The following BCAS3 variants were observed in gnomAD, a reference collection of about 807,000 sequenced individuals.
BCAS3 encodes the protein BCAS4/BCAS3 fusion.
In BCAS3, 53 loss-of-function variants were observed where a neutral mutation model predicts 116.1. That is an observed-to-expected ratio of 0.46 (90% CI 0.37 to 0.57). The LOEUF is 0.57. Ranked by LOEUF, BCAS3 falls within the 20% of genes least tolerant of loss-of-function variation. The pLI is 0.00. For synonymous variants in BCAS3, 391 were observed against 408.2 expected, an observed-to-expected ratio of 0.96 and a Z score of 0.51; for missense variants, 917 against 1,165.4, an observed-to-expected ratio of 0.79 and a Z score of 3.10.
intron 7 of BCAS3, among the ~76,000 whole-genome samples, chr17:60,808,818 G>A (rs2144626574): frequency 6.6e-6 from 1 of 152,314 alleles, no homozygotes; most frequent in Non-Finnish European, 1.5e-5. Context: ...CAGGAATGCA[G>A]AGAAGGGAGA....
In BCAS3 at chr17:60,886,863, A is replaced by T. The variant is rs1202410364; in HGVS notation, c.662-2832A>T. 1.3e-4 allele frequency among the ~76,000 whole-genome samples: 19 copies of T among 150,804 alleles called. No homozygotes were observed. In the South Asian group the frequency reaches 3.1e-3, roughly 25 times the overall value. ...CTCTCTTCAAAGCTGTCAGACAGGG[A>T]CATTTAAGTCTGCAGAGGTTACTGC... On this transcript the variant is annotated intron_variant, in intron 9 of 23. Coordinates refer to ENST00000407086, the MANE Select transcript of BCAS3 (RefSeq NM_017679.5).
chr17:60,890,918 G>T (rs770284030), intron 10 of BCAS3, among the ~76,000 whole-genome samples: 184 of 152,138 alleles, frequency 1.2e-3, no homozygotes, highest in Non-Finnish European at 2.1e-3. Flanking sequence ...CTAGCCTCTG[G>T]AATGTACAAA....
At chr17:60,727,369 C>T in intron 5 of BCAS3, 1 of 1,553,016 alleles carries the variant, frequency 6.4e-7, no homozygotes, top group South Asian at 1.1e-5. Context: ...GATCATAGCG[C>T]CTCTTTCCCT....
intron 6 of BCAS3, among the ~76,000 whole-genome samples, chr17:60,768,138 A>G (rs954074365): frequency 2.6e-5 from 4 of 152,226 alleles, no homozygotes; most frequent in Non-Finnish European, 5.9e-5. Flanking sequence ...AGGTGCATAT[A>G]TTAGTGTGAG....
chr17:61,232,743 G>A (rs2082765856), intron 22 of BCAS3, among the ~76,000 whole-genome samples: 1 of 152,164 alleles, frequency 6.6e-6, no homozygotes, highest in South Asian at 2.1e-4. Flanking sequence ...ATTGCTCTTC[G>A]TCGGCCTCTT....
At chr17:60,809,511 G>C (rs9913310) in intron 7 of BCAS3, among the ~76,000 whole-genome samples, 30 of 152,046 alleles carry the variant, frequency 2.0e-4, no homozygotes, top group Non-Finnish European at 4.0e-4. Context: ...TTGGTTGGTT[G>C]GTTGGTTATA....
At chr17:60,821,885 A>G (rs2050000669) in intron 7 of BCAS3, 1 of 152,196 alleles carries the variant, frequency 6.6e-6, no homozygotes, top group Non-Finnish European at 1.5e-5. Flanking sequence ...TATGTTGCCC[A>G]GGCTGGTCTT....
intron 4 of BCAS3, among the ~76,000 whole-genome samples, chr17:60,695,339 C>G (rs1253565546): frequency 6.6e-6 from 1 of 151,942 alleles, no homozygotes; most frequent in Non-Finnish European, 1.5e-5. Flanking sequence ...AGGATGGTCT[C>G]TTGACCTCGT....
At chr17:61,301,766 T>C (rs2053462739) in intron 22 of BCAS3, among the ~76,000 whole-genome samples, 1 of 152,216 alleles carries the variant, frequency 6.6e-6, no homozygotes, top group Admixed American at 6.5e-5. Context: ...GTGATTTTTT[T>C]CACAGTCCAA....
At position 60,769,316 on chromosome 17, in the gene BCAS3, G is replaced by A. The variant is rs186534181; in HGVS notation, c.403+22037G>A. ...TCTTTGCTGCAGTCCTGCCACTGAG[G>A]AGAGTGAGGCCACTCTTAGTGGGAG... On this transcript the variant is annotated intron_variant, in intron 6 of 23. Transcript: ENST00000407086. 2.5e-3 allele frequency among the ~76,000 whole-genome samples: 374 copies of A among 152,318 alleles called. 1 individual carries two copies. Among genetic ancestry groups the A allele is most frequent in the Non-Finnish European group, 2.4e-3 (163 of 68,030 alleles).
intron 22 of BCAS3, among the ~76,000 whole-genome samples, chr17:61,293,244 T>C (rs1036271085): frequency 2.0e-5 from 3 of 152,176 alleles, no homozygotes; most frequent in Admixed American, 2.0e-4. Context: ...AGGGTAGATG[T>C]GGAAATAGTC....
chr17:61,188,449 A>G lies in BCAS3; in HGVS notation c.2425+103885A>G, dbSNP rs1238109879. Among the ~76,000 whole-genome samples the G allele has an allele frequency of 6.6e-6, 1 of 152,266 alleles. No individual in the cohort carries two copies. The highest frequency in any genetic ancestry group is 6.5e-5 in the Admixed American group (1 of 15,286). ...CCTAGTTTATATTCTGGTATGGACC[A>G]CAAGTCTGGGAGGCAAGTGGATTTT... On this transcript the variant is annotated intron_variant, in intron 22 of 23. Transcript: ENST00000407086. This position sits in a 1 kb window ranked among gnomAD's most constrained non-coding sequence, Gnocchi z 4.0.
At chr17:60,981,385 C>T (rs1024268119) in intron 14 of BCAS3, among the ~76,000 whole-genome samples, 2 of 151,922 alleles carry the variant, frequency 1.3e-5, no homozygotes, top group Non-Finnish European at 2.9e-5. Context: ...CAGGTTCAAG[C>T]AATTCTCCTG....
At chr17:60,941,859 T>C (rs1056089025) in intron 13 of BCAS3, among the ~76,000 whole-genome samples, 1 of 152,250 alleles carries the variant, frequency 6.6e-6, no homozygotes, top group Non-Finnish European at 1.5e-5. Flanking sequence ...ATGCTCATTC[T>C]ACATAAAATG....
chr17:60,838,563 G>A (rs1310745482), intron 7 of BCAS3, among the ~76,000 whole-genome samples: 1 of 151,776 alleles, frequency 6.6e-6, no homozygotes, highest in Admixed American at 6.6e-5. Flanking sequence ...TTAGAGGTCA[G>A]CAAACTTTCT....
At chr17:60,900,737 A>T (rs1238914271) in intron 10 of BCAS3, among the ~76,000 whole-genome samples, 3 of 151,456 alleles carry the variant, frequency 2.0e-5, no homozygotes, top group Non-Finnish European at 4.4e-5. Context: ...TATTTCCTGG[A>T]AATTAGTTCA....
At chr17:60,829,253 G>A (rs1411356984) in intron 7 of BCAS3, among the ~76,000 whole-genome samples, 1 of 152,098 alleles carries the variant, frequency 6.6e-6, no homozygotes, top group Non-Finnish European at 1.5e-5. Flanking sequence ...CCAGCACTTT[G>A]GGAGGCTGAG....
chr17:61,189,224 A>T lies in BCAS3; in HGVS notation c.2425+104660A>T, dbSNP rs769148262. ...GAGGAAGGTGGAGAATATTTAAGGA[A>T]AGCTTTCTGTAGAAGTACACCTGGG... On this transcript the variant is annotated intron_variant, in intron 22 of 23. Coordinates refer to ENST00000407086, the MANE Select transcript of BCAS3 (RefSeq NM_017679.5). This position sits in a 1 kb window ranked among gnomAD's most constrained non-coding sequence, Gnocchi z 4.5. Among the ~76,000 whole-genome samples, 3 of 152,198 alleles carry T rather than the reference A, an allele frequency of 2.0e-5. No homozygotes were observed. The highest frequency in any genetic ancestry group is 4.4e-5 in the Non-Finnish European group (3 of 68,034).
rs1568424764 is a variant in BCAS3, at chr17:61,134,590, G to A, written c.2425+50026G>A. 6.6e-6 allele frequency among the ~76,000 whole-genome samples: 1 copy of A among 152,220 alleles called. No homozygotes were observed. The highest frequency in any genetic ancestry group is 1.5e-5 in the Non-Finnish European group (1 of 68,038). ...AAAGTATTTTAAAGTCGAGAGAACT[G>A]TGTTATGGTGGGACATTTAGAGACA... On this transcript the variant is annotated intron_variant, in intron 22 of 23. Coordinates refer to ENST00000407086, the MANE Select transcript of BCAS3 (RefSeq NM_017679.5). This position sits in a 1 kb window ranked among gnomAD's most constrained non-coding sequence, Gnocchi z 4.6.
Sources: allele counts gnomAD v4.1 joint callset (sites outside exome capture counted in the v4.1 genomes callset), GRCh38; gene constraint gnomAD v4.1.1; non-coding constraint Gnocchi (gnomAD v3.1); transcripts MANE v1.5; gene names NCBI Gene and HGNC (gene_info 2026-07-23, HGNC 2026-07-21).